The following EXOC4 variants were observed in gnomAD, a reference collection of about 807,000 sequenced individuals.
The protein encoded by EXOC4 is SEC8-like 1.
In EXOC4, 71 loss-of-function variants were observed where a neutral mutation model predicts 107.2. That is an observed-to-expected ratio of 0.66 (90% CI 0.55 to 0.81). EXOC4 has a LOEUF of 0.81. EXOC4 is among the 30% of genes least tolerant of loss of function. The probability of loss-of-function intolerance (pLI) is 0.00; values close to 1 mark genes in which losing one functional copy is unlikely to be tolerated. For synonymous variants in EXOC4, 456 were observed against 441.2 expected (o/e 1.03, Z -0.42); for missense variants, 1,108 against 1,189.6 (o/e 0.93, Z 1.01).
chr7:133,604,710 C>CTTTTTTTTTTTTTTTTTTTTTTTT (rs61548710), intron 9 of EXOC4, among the ~76,000 whole-genome samples: 2 of 50,268 alleles, frequency 4.0e-5, no homozygotes, highest in Non-Finnish European at 6.9e-5. Context: ...TTCCTTCTTT[C>CTTTTTTTTTTTTTTTTTTTTTTTT]TTTTTTTTTT....
chr7:133,689,194 G>A (rs1794367975), intron 10 of EXOC4, among the ~76,000 whole-genome samples: 1 of 152,024 alleles, frequency 6.6e-6, no homozygotes, highest in Admixed American at 6.6e-5. Context: ...CTCCTTTAGT[G>A]TTTTCATAGT....
Position 133,939,519 on chromosome 7 carries a change from G to A in EXOC4, c.2206+1450G>A, listed in dbSNP as rs557588485. Among the ~76,000 whole-genome samples the A allele has an allele frequency of 3.0e-4, 45 of 152,224 alleles. 1 individual carries two copies. The highest frequency in any genetic ancestry group is 9.4e-4 in the African/African-American group (39 of 41,546). On this transcript the variant is annotated intron_variant, in intron 14 of 17. Coordinates refer to ENST00000253861, the MANE Select transcript of EXOC4 (RefSeq NM_021807.4). The stretch of plus-strand genomic sequence containing the variant: ...TGCATATTTATACTTTTATTCTTAC[G>A]TCTTTTATTGAAAATACTACTTATT...
chr7:133,707,069 T>C (rs76290083), intron 10 of EXOC4, among the ~76,000 whole-genome samples: 4 of 136,626 alleles, frequency 2.9e-5, no homozygotes, highest in Non-Finnish European at 6.2e-5. Context: ...TTAAGTGGCC[T>C]TTTTTTTTTT....
chr7:133,762,499 A>C (rs1342628387), intron 10 of EXOC4, among the ~76,000 whole-genome samples: 4 of 152,198 alleles, frequency 2.6e-5, no homozygotes, highest in Non-Finnish European at 4.4e-5. Context: ...TAATACAACC[A>C]GTAAGTATGC....
At chr7:133,874,594 T>C (rs1798812250) in intron 11 of EXOC4, among the ~76,000 whole-genome samples, 1 of 152,216 alleles carries the variant, frequency 6.6e-6, no homozygotes, top group African/African-American at 2.4e-5. Flanking sequence ...GCTCCAGATC[T>C]CACCTCTGAG....
Position 133,594,568 on chromosome 7 carries a change from C to T in EXOC4, c.1418-35477C>T, listed in dbSNP as rs572275291. 3.1e-5 allele frequency among the ~76,000 whole-genome samples: 4 copies of T among 129,544 alleles called. No individual in the cohort carries two copies. The East Asian group carries it at 1.0e-3, about 33-fold the overall frequency. 85.0% of individuals were successfully genotyped at this position (129,544 alleles called of 152,430 possible). On this transcript the variant is annotated intron_variant, in intron 9 of 17. Transcript: ENST00000253861. ...GGAGTGCGATGGCGTGATCTTGGCT[C>T]ACTGCAATCTCCGCCTCCTGGTTCA...
intron 10 of EXOC4, among the ~76,000 whole-genome samples, chr7:133,657,480 A>G (rs1436160602): frequency 6.6e-6 from 1 of 152,164 alleles, no homozygotes; most frequent in Non-Finnish European, 1.5e-5. Context: ...CTGTAATTCT[A>G]AGCAGAAATG....
chr7:133,984,867 G>A lies in EXOC4; in HGVS notation c.2207-12625G>A, dbSNP rs184898553. ...GGAAAACGAGACTTAGAGTTGTTAA[G>A]AAATTTGTTCTAGAGGTAATAAAAA... On this transcript the variant is annotated intron_variant, in intron 14 of 17. Coordinates refer to ENST00000253861, the MANE Select transcript of EXOC4 (RefSeq NM_021807.4). Among the ~76,000 whole-genome samples, 50 of 152,296 alleles carry A rather than the reference G, an allele frequency of 3.3e-4. 1 individual carries two copies. The East Asian group carries it at 9.3e-3, about 28-fold the overall frequency.
At chr7:133,755,243 AATATATATATT>A (rs1461339849) in intron 10 of EXOC4, among the ~76,000 whole-genome samples, 1,313 of 91,048 alleles carry the variant, frequency 0.014, 26 homozygotes, top group African/African-American at 0.052. Context: ...TAATATATAT[AATATATATATT>A]ATATATATAT....
At chr7:133,668,928 A>G (rs1040864007) in intron 10 of EXOC4, among the ~76,000 whole-genome samples, 5 of 148,280 alleles carry the variant, frequency 3.4e-5, no homozygotes, top group Non-Finnish European at 6.0e-5. Context: ...TGGGAAGGGG[A>G]GGAGGTGATG....
At position 133,279,282 on chromosome 7, in the gene EXOC4, G is replaced by T. The variant is rs150954004; in HGVS notation, c.276+4111G>T. 6.2e-3 allele frequency among the ~76,000 whole-genome samples: 950 copies of T among 152,234 alleles called. 9 individuals are homozygous for T. Among genetic ancestry groups the T allele is most frequent in the African/African-American group, 0.022 (907 of 41,534 alleles). On this transcript the variant is annotated intron_variant, in intron 2 of 17. Coordinates refer to ENST00000253861, the MANE Select transcript of EXOC4 (RefSeq NM_021807.4). ...GTGAATAGTGCCGCAATAAACATAC[G>T]TGTGCATGTGTCTTTATAGCAGCAT... is the stretch of plus-strand genomic sequence containing the variant.
intron 10 of EXOC4, among the ~76,000 whole-genome samples, chr7:133,715,500 G>C (rs1295586416): frequency 6.6e-6 from 1 of 151,564 alleles, no homozygotes; most frequent in African/African-American, 2.4e-5. Flanking sequence ...TTTTGGAAGG[G>C]GGAGAAATTG....
chr7:133,295,537 A>G (rs907807003), intron 3 of EXOC4, among the ~76,000 whole-genome samples: 12 of 152,166 alleles, frequency 7.9e-5, no homozygotes, highest in African/African-American at 2.9e-4. Context: ...TCATCACTAG[A>G]TAAAAGCCAG....
chr7:133,488,316 A>G (rs1799308028), intron 9 of EXOC4, among the ~76,000 whole-genome samples: 1 of 152,198 alleles, frequency 6.6e-6, no homozygotes, highest in South Asian at 2.1e-4. Flanking sequence ...TTTTAGTTAT[A>G]GAACTCTTCT....
intron 9 of EXOC4, among the ~76,000 whole-genome samples, chr7:133,593,037 G>A (rs137944165): frequency 5.9e-5 from 9 of 152,302 alleles, no homozygotes; most frequent in East Asian, 1.9e-4. Flanking sequence ...ATGAGCCACC[G>A]TGCCTGGCCT....
intron 7 of EXOC4, among the ~76,000 whole-genome samples, chr7:133,474,257 C>A (rs998807917): frequency 5.3e-5 from 8 of 151,976 alleles, no homozygotes; most frequent in African/African-American, 1.7e-4. Flanking sequence ...TGTGATAATT[C>A]TTAGATTTTA....
chr7:133,503,186 C>G (rs969973569), intron 9 of EXOC4, among the ~76,000 whole-genome samples: 1 of 152,072 alleles, frequency 6.6e-6, no homozygotes, highest in Non-Finnish European at 1.5e-5. Context: ...GGTTGATAGT[C>G]TTGTGTGACT....
chr7:133,281,254 G>A (rs1275454995), intron 2 of EXOC4, among the ~76,000 whole-genome samples: 1 of 150,394 alleles, frequency 6.6e-6, no homozygotes, highest in Non-Finnish European at 1.5e-5. Flanking sequence ...TGCACAATGT[G>A]CACATGTACC....
chr7:133,268,634 G>A (rs1793792689), intron 1 of EXOC4, among the ~76,000 whole-genome samples: 1 of 152,116 alleles, frequency 6.6e-6, no homozygotes, highest in Non-Finnish European at 1.5e-5. Context: ...AAATACAGAG[G>A]CTAGTATGAA....
Sources: allele counts gnomAD v4.1 joint callset (sites outside exome capture counted in the v4.1 genomes callset), GRCh38; gene constraint gnomAD v4.1.1; transcripts MANE v1.5; gene names NCBI Gene and HGNC (gene_info 2026-07-23, HGNC 2026-07-21).